ZDHHC9: variants seen among roughly 807,000 people sequenced by gnomAD.
The protein encoded by ZDHHC9 is palmitoyltransferase ZDHHC9.
ZDHHC9 carries 3 observed loss-of-function variants against 26.6 expected under a neutral mutation model. That is an observed-to-expected ratio of 0.11 (90% CI 0.05 to 0.29). ZDHHC9 has a LOEUF of 0.29. Ranked by LOEUF, ZDHHC9 falls within the 10% of genes least tolerant of loss-of-function variation. ZDHHC9 has a pLI of 1.00. For missense variants in ZDHHC9, 146 were observed against 296.4 expected, an observed-to-expected ratio of 0.49 and a Z score of 3.73; for synonymous variants, 111 against 109.4, an observed-to-expected ratio of 1.01 and a Z score of -0.09.
At chrX:129,815,723 T>C (rs903028258) in intron 5 of ZDHHC9, among the ~76,000 whole-genome samples, 1 of 111,629 alleles carries the variant, frequency 9.0e-6, no homozygotes, top group Non-Finnish European at 1.9e-5. Context: ...ATTTTGTGTA[T>C]GTTAAAATTA....
In ZDHHC9 at chrX:129,811,063, C is replaced by T. The variant is rs112304524; in HGVS notation, c.882-62G>A. The T allele has an allele frequency of 0.016, 15,913 of 1,009,985 alleles. 937 individuals carry two copies. In the African/African-American group the frequency reaches 0.21, roughly 13 times the overall value. The allele number at this position is 1,009,985 out of a possible 1,213,427, so 83.2% of individuals were successfully genotyped here. ...TTCACCCCTCCACCCACCTGGCCTA[C>T]GGAATTTTGCTGCATAGACTGGAAA... On this transcript the variant is annotated intron_variant, in intron 9 of 10. Transcript: ENST00000357166.
chrX:129,842,210 T>C (rs1928399974), intron 2 of ZDHHC9, 130 bp from the exon 3 acceptor site: 4 of 399,073 alleles, frequency 1.0e-5, no homozygotes, highest in Non-Finnish European at 1.7e-5. Context: ...GAAAAGTTTA[T>C]TTCCAATTCG....
chrX:129,841,297 TGAG>T (rs1319944281), intron 3 of ZDHHC9, among the ~76,000 whole-genome samples: 3 of 112,611 alleles, frequency 2.7e-5, no homozygotes, highest in Non-Finnish European at 5.6e-5. Flanking sequence ...GTGGTCCAGC[TGAG>T]GCTGGAACTA....
intron 3 of ZDHHC9, among the ~76,000 whole-genome samples, chrX:129,841,023 T>A (rs1172402296): frequency 9.1e-6 from 1 of 110,026 alleles, no homozygotes; most frequent in Non-Finnish European, 1.9e-5. Context: ...AATGCTCCCA[T>A]CCCTAGAGTG....
At chrX:129,839,926 A>G (rs1200589558) in intron 3 of ZDHHC9, among the ~76,000 whole-genome samples, 3 of 111,601 alleles carry the variant, frequency 2.7e-5, no homozygotes, top group Admixed American at 9.6e-5. Context: ...GCTGGTACTC[A>G]AGTAAGTTTT....
intron 3 of ZDHHC9, among the ~76,000 whole-genome samples, chrX:129,835,467 GA>G (rs1174250066): frequency 9.5e-6 from 1 of 105,264 alleles, no homozygotes; most frequent in Non-Finnish European, 1.9e-5. Flanking sequence ...AAAAAAAGAG[GA>G]AAAAAAAGAA....
At chrX:129,841,565 TACTACAAA>T (rs1311462762) in intron 3 of ZDHHC9, among the ~76,000 whole-genome samples, 1 of 111,778 alleles carries the variant, frequency 8.9e-6, no homozygotes, top group Non-Finnish European at 1.9e-5. Flanking sequence ...CCCAAATCAG[TACTACAAA>T]ATTGGTATCA....
chrX:129,814,663 G>A lies in ZDHHC9; in HGVS notation c.620C>T (p.Ala207Val), dbSNP rs778798330. The change falls in exon 6 of 11, where the codon GCC (alanine) becomes GTC (valine). Residue 207 changes from alanine to valine, a missense_variant. This residue lies in a region of ZDHHC9 where 100 missense variants were observed against 250.0 expected (regional missense o/e 0.40). Transcript: ENST00000357166. ...YVFAFNIVYVALKSLKIGFLE... is the reference protein window; with the variant it reads ...YVFAFNIVYVVLKSLKIGFLE... ...ACACTGCCCTGTATACTCACTGAGGGCCACATAGACGATGTTGAAGGCGAA... is the reference window on the plus strand; with the variant it reads ...ACACTGCCCTGTATACTCACTGAGGACCACATAGACGATGTTGAAGGCGAA... 8.3e-7 allele frequency: 1 copy of A among 1,211,289 alleles called. No homozygotes were observed. The highest frequency in any genetic ancestry group is 1.1e-6 in the Non-Finnish European group (1 of 895,327).
rs1313515626 is a variant in ZDHHC9 at position 129,840,601 on chromosome X, G to A, written c.167+1178C>T. 2.7e-5 allele frequency among the ~76,000 whole-genome samples: 3 copies of A among 111,491 alleles called. 1 individual carries two copies. Among genetic ancestry groups the A allele is most frequent in the Admixed American group, 9.5e-5 (1 of 10,495 alleles). ...CACTAAACACTTCACAAAGTCAGCA[G>A]TAGCGGCGGCAGCAGCAAAAGGACC... On this transcript the variant is annotated intron_variant, in intron 3 of 10. Transcript: ENST00000357166.
Position 129,806,313 on chromosome X carries a change from C to T in ZDHHC9, c.*57G>A. ...TCTCTGTCTCAGGTTTAACTTCTCA[C>T]CTGAAATCTCTCATAGCCCTAATTA... On this transcript the variant is annotated 3_prime_UTR_variant, in exon 11 of 11. Coordinates refer to ENST00000357166, the MANE Select transcript of ZDHHC9 (RefSeq NM_016032.4). 9.7e-7 allele frequency: 1 copy of T among 1,036,158 alleles called. No homozygotes were observed. Among genetic ancestry groups the T allele is most frequent in the South Asian group, 1.9e-5 (1 of 53,391 alleles). The allele number at this position is 1,036,158 out of a possible 1,213,427, so 85.4% of individuals were successfully genotyped here.
At position 129,829,159 on chromosome X, in the gene ZDHHC9, T is replaced by C. The variant is rs753763200; in HGVS notation, c.168-18A>G. ...AGCGGCACCTGAAGAAAGCAGGCAA[T>C]TCAGCATTTAATGATACCTACCCTA... is the stretch of plus-strand genomic sequence containing the variant. On this transcript the variant is annotated intron_variant, in intron 3 of 10. Coordinates refer to ENST00000357166, the MANE Select transcript of ZDHHC9 (RefSeq NM_016032.4). 7.9e-5 allele frequency: 95 copies of C among 1,207,972 alleles called. No homozygotes were observed. The Middle Eastern group carries it at 9.2e-4, about 12-fold the overall frequency.
chrX:129,833,343 T>G (rs1374215777), intron 3 of ZDHHC9, among the ~76,000 whole-genome samples: 2 of 112,047 alleles, frequency 1.8e-5, no homozygotes, highest in Admixed American at 9.5e-5. Context: ...TAACCATCAG[T>G]GCCAGGCTGG....
At position 129,810,946 on chromosome X, in the gene ZDHHC9, T is replaced by G. The variant is rs750190022; in HGVS notation, c.937A>C (p.Ser313Arg). 8.3e-7 allele frequency: 1 copy of G among 1,211,733 alleles called. No individual in the cohort carries two copies. Among genetic ancestry groups the G allele is most frequent in the African/African-American group, 1.7e-5 (1 of 57,780 alleles). Residue 313 changes from serine to arginine, a missense_variant, in exon 10 of 11, where the codon AGT becomes CGT. Coordinates refer to ENST00000357166, the MANE Select transcript of ZDHHC9 (RefSeq NM_016032.4). ...PLEESGSRPP[S>R]TQETSSSLLP... ...AGGCTGCTACTGGTCTCTTGAGTAC[T>G]GGGAGGTCGACTTCCACTTTCCTCC...
intron 5 of ZDHHC9, among the ~76,000 whole-genome samples, chrX:129,820,691 C>T (rs1927863241): frequency 8.9e-6 from 1 of 111,803 alleles, no homozygotes; most frequent in African/African-American, 3.2e-5. Flanking sequence ...AATATCAGTG[C>T]TTTTTAAAAA....
chrX:129,825,784 C>T (rs750144755), intron 4 of ZDHHC9, among the ~76,000 whole-genome samples: 5 of 111,029 alleles, frequency 4.5e-5, no homozygotes, highest in Non-Finnish European at 9.4e-5. Flanking sequence ...ATGAAGTTGC[C>T]GGCATTAAAA....
Position 129,842,139 on chromosome X carries a change from C to T in ZDHHC9, c.-135-59G>A, listed in dbSNP as rs41304946. 4.5e-3 allele frequency: 2,129 copies of T among 472,373 alleles called. 4 individuals are homozygous for T. The highest frequency in any genetic ancestry group is 6.4e-3 in the Non-Finnish European group (1,819 of 282,424). The allele number at this position is 472,373 out of a possible 1,213,427, so 38.9% of individuals were successfully genotyped here. A position where few individuals can be genotyped will look rare whatever the true frequency, so the allele number is the denominator to read the frequency against. ...GCAATAATAAGAAAATACAGTTCAA[C>T]CCTCCTTTCCCAGAGACAGAAAGTT... On this transcript the variant is annotated intron_variant, in intron 2 of 10. Transcript: ENST00000357166.
chrX:129,834,345 A>T (rs1332810616), intron 3 of ZDHHC9, among the ~76,000 whole-genome samples: 1 of 102,284 alleles, frequency 9.8e-6, no homozygotes, highest in South Asian at 3.8e-4. Context: ...GACAATAAAC[A>T]TGTAGAACCA....
At chrX:129,834,993 G>A (rs1928225709) in intron 3 of ZDHHC9, among the ~76,000 whole-genome samples, 2 of 112,214 alleles carry the variant, frequency 1.8e-5, no homozygotes, top group African/African-American at 6.5e-5. Flanking sequence ...TGTTCTCTGG[G>A]CTTGCTTTTC....
intron 5 of ZDHHC9, among the ~76,000 whole-genome samples, chrX:129,820,571 A>G (rs1040598491): frequency 9.0e-6 from 1 of 111,691 alleles, no homozygotes; most frequent in African/African-American, 3.3e-5. Flanking sequence ...AGCCTGGGAA[A>G]AAGAGTGAGA....
Sources: allele counts gnomAD v4.1 joint callset (sites outside exome capture counted in the v4.1 genomes callset), GRCh38; gene constraint gnomAD v4.1.1; regional missense constraint gnomAD v4.1.1; transcripts MANE v1.5; gene names NCBI Gene and HGNC (gene_info 2026-07-23, HGNC 2026-07-21).